Variants in VPS13A observed in about 807,000 individuals in gnomAD.
The protein encoded by VPS13A is vacuolar protein sorting 13 homolog A.
In VPS13A, 264 loss-of-function variants were observed where a neutral mutation model predicts 390.9. That is an observed-to-expected ratio of 0.68 (90% CI 0.61 to 0.75). The LOEUF is 0.75. Among genes scored for constraint, VPS13A ranks in the 30% least tolerant of loss-of-function variants. The pLI is 0.00. For synonymous variants in VPS13A, 1,231 were observed against 1,227.1 expected, an observed-to-expected ratio of 1.00 and a Z score of -0.07; for missense variants, 3,409 against 3,733.9, an observed-to-expected ratio of 0.91 and a Z score of 2.27.
chr9:77,250,006 T>C (rs757049736), intron 20 of VPS13A, 91 bp from the exon 21 acceptor site: 73 of 1,410,416 alleles, frequency 5.2e-5, no homozygotes, highest in Middle Eastern at 2.4e-4. Flanking sequence ...TATCCTCTCC[T>C]ATTAACATTT....
At chr9:77,183,401 C>T (rs1478906286) in intron 1 of VPS13A, among the ~76,000 whole-genome samples, 1 of 152,012 alleles carries the variant, frequency 6.6e-6, no homozygotes, top group African/African-American at 2.4e-5. Flanking sequence ...CCTTCTTGTC[C>T]CCAGGTTTTT....
intron 13 of VPS13A, among the ~76,000 whole-genome samples, chr9:77,224,985 A>T (rs1042510773): frequency 6.6e-6 from 1 of 152,330 alleles, no homozygotes; most frequent in East Asian, 1.9e-4. Context: ...AAAATATTAC[A>T]ACTCGTTGAT....
At chr9:77,344,951 T>A (rs1831066227) in intron 51 of VPS13A, 58 bp from the exon 52 acceptor site, 1 of 1,555,082 alleles carries the variant, frequency 6.4e-7, no homozygotes, top group Non-Finnish European at 8.8e-7. Context: ...TAAATGTTAT[T>A]AGTTAATATT....
chr9:77,334,092 G>C (rs965105478), intron 46 of VPS13A, among the ~76,000 whole-genome samples: 1 of 152,146 alleles, frequency 6.6e-6, no homozygotes, highest in Non-Finnish European at 1.5e-5. Context: ...CTGTAATATA[G>C]TAATATGGAG....
At chr9:77,194,027 C>T (rs763834973) in intron 1 of VPS13A, among the ~76,000 whole-genome samples, 11 of 152,114 alleles carry the variant, frequency 7.2e-5, no homozygotes, top group Non-Finnish European at 1.5e-4. Flanking sequence ...AAGGTGTTCC[C>T]GGTCTGCTGG....
intron 68 of VPS13A, among the ~76,000 whole-genome samples, chr9:77,401,373 GTA>G (rs1346938203): frequency 1.4e-5 from 2 of 139,734 alleles, no homozygotes; most frequent in African/African-American, 5.3e-5. Context: ...GTGTGTGTGT[GTA>G]AAAATTGGGA....
chr9:77,337,804 A>G (rs1375293829), intron 47 of VPS13A: 1 of 334,028 alleles, frequency 3.0e-6, no homozygotes, highest in Admixed American at 4.3e-5. Context: ...TACTTTGTGA[A>G]GTTGCTTTTT....
At chr9:77,412,776 G>A (rs1046341116) in intron 71 of VPS13A, among the ~76,000 whole-genome samples, 3 of 152,106 alleles carry the variant, frequency 2.0e-5, no homozygotes, top group Non-Finnish European at 4.4e-5. Flanking sequence ...AGGAAATAAA[G>A]GGTATTCAAT....
At chr9:77,345,525 C>T (rs188032673) in intron 52 of VPS13A, among the ~76,000 whole-genome samples, 1 of 151,620 alleles carries the variant, frequency 6.6e-6, no homozygotes, top group African/African-American at 2.4e-5. Context: ...CAGTAGGTAC[C>T]CTCTTGTTGA....
intron 1 of VPS13A, among the ~76,000 whole-genome samples, chr9:77,180,295 C>G (rs146638286): frequency 0.011 from 1,725 of 152,294 alleles, 17 homozygotes; most frequent in Non-Finnish European, 0.018. Context: ...CAGCCAAACT[C>G]TTTTTCCAGA....
At chr9:77,387,336 G>A (rs1833730978) in intron 68 of VPS13A, among the ~76,000 whole-genome samples, 1 of 152,158 alleles carries the variant, frequency 6.6e-6, no homozygotes, top group Non-Finnish European at 1.5e-5. Flanking sequence ...GTATCTAACA[G>A]GAAAGTCTAG....
intron 61 of VPS13A, among the ~76,000 whole-genome samples, chr9:77,367,294 C>G (rs772070475): frequency 2.6e-5 from 4 of 152,072 alleles, no homozygotes; most frequent in Non-Finnish European, 4.4e-5. Context: ...GTGTTGTAAT[C>G]AGGAATTTAT....
intron 19 of VPS13A, among the ~76,000 whole-genome samples, chr9:77,247,000 A>G (rs1179461676): frequency 6.6e-6 from 1 of 151,996 alleles, no homozygotes; most frequent in Non-Finnish European, 1.5e-5. Flanking sequence ...TATCTTCCCA[A>G]TTTTACCCAA....
intron 54 of VPS13A, among the ~76,000 whole-genome samples, chr9:77,355,997 A>T (rs1230545073): frequency 6.6e-6 from 1 of 152,192 alleles, no homozygotes; most frequent in African/African-American, 2.4e-5. Flanking sequence ...ACGAAATGTA[A>T]GTCAGATTAT....
chr9:77,260,011 AAC>A (rs1487953416), intron 22 of VPS13A, 73 bp from the exon 23 acceptor site: 10 of 981,910 alleles, frequency 1.0e-5, no homozygotes, highest in South Asian at 4.8e-5. Flanking sequence ...ATAATTTGAG[AAC>A]AGTCTTTTTA....
intron 9 of VPS13A, 68 bp from the exon 10 acceptor site, chr9:77,214,261 G>A (rs1226390758): frequency 2.0e-5 from 27 of 1,377,442 alleles, no homozygotes; most frequent in East Asian, 4.7e-5. Context: ...GGGTGACAGG[G>A]GGAGACTCCA....
chr9:77,177,612 G>C lies in VPS13A; in HGVS notation c.-93G>C. On this transcript the variant is annotated 5_prime_UTR_variant, in exon 1 of 72. Transcript: ENST00000360280. ...CCGCAGCTGAAGCCGCCCCGGAGCC[G>C]GTGAACCGAATTACCTCGAGGGAGG... is the stretch of plus-strand genomic sequence containing the variant. 5.7e-6 allele frequency: 7 copies of C among 1,222,274 alleles called. No individual in the cohort carries two copies. Among genetic ancestry groups the C allele is most frequent in the Non-Finnish European group, 7.1e-6 (6 of 849,312 alleles). 75.7% of individuals were successfully genotyped at this position (1,222,274 alleles called of 1,614,324 possible). A position where few individuals can be genotyped will look rare whatever the true frequency, so the allele number is the denominator to read the frequency against.
At chr9:77,196,822 C>T (rs921173260) in intron 1 of VPS13A, among the ~76,000 whole-genome samples, 4 of 152,040 alleles carry the variant, frequency 2.6e-5, no homozygotes, top group African/African-American at 9.7e-5. Context: ...GGTTTCTCTT[C>T]AACAAACTGA....
intron 26 of VPS13A, among the ~76,000 whole-genome samples, chr9:77,277,973 C>T (rs1480047811): frequency 6.6e-6 from 1 of 152,174 alleles, no homozygotes; most frequent in Non-Finnish European, 1.5e-5. Flanking sequence ...ACAGTTTGCT[C>T]TAGTAATTGG....
Sources: gnomAD v4.1 joint callset for allele counts (sites outside exome capture counted in the v4.1 genomes callset) on GRCh38, gnomAD v4.1.1 for gene constraint, MANE v1.5 for transcripts, NCBI Gene and HGNC (gene_info 2026-07-23, HGNC 2026-07-21) for gene names.